Variants in CSNK2A1 observed in about 807,000 individuals in gnomAD.
CSNK2A1 encodes casein kinase II subunit alpha.
Under a neutral mutation model 62.9 loss-of-function variants are expected in CSNK2A1, and 10 were observed. The ratio of observed to expected loss-of-function variants is 0.16; its 90% CI spans 0.10 to 0.27. CSNK2A1 has a LOEUF of 0.27. Among genes scored for constraint, CSNK2A1 ranks in the 10% least tolerant of loss-of-function variants. CSNK2A1 has a pLI of 1.00. For missense variants in CSNK2A1, 160 were observed against 492.0 expected (o/e 0.33, Z 6.38); for synonymous variants, 124 against 167.8 (o/e 0.74, Z 2.02).
chr20:523,996 T>C (rs1347312047), intron 2 of CSNK2A1, among the ~76,000 whole-genome samples: 1 of 151,846 alleles, frequency 6.6e-6, no homozygotes, highest in Non-Finnish European at 1.5e-5. Context: ...CCAGTTGTGA[T>C]GGTAGTTACT....
intron 1 of CSNK2A1, among the ~76,000 whole-genome samples, chr20:541,783 C>G (rs1180653607): frequency 1.3e-5 from 2 of 152,206 alleles, no homozygotes; most frequent in Non-Finnish European, 2.9e-5. Flanking sequence ...TCACGGGGAC[C>G]TAACTGTATA....
intron 6 of CSNK2A1, chr20:498,183 C>T (rs1315707564): frequency 5.9e-6 from 1 of 170,396 alleles, no homozygotes; most frequent in South Asian, 1.5e-4. Flanking sequence ...CCCTGCAGAT[C>T]ACCAGTGGGT....
At chr20:527,070 A>T (rs924660266) in intron 2 of CSNK2A1, 2 of 150,008 alleles carry the variant, frequency 1.3e-5, no homozygotes, top group Admixed American at 1.3e-4. Flanking sequence ...AATGTCCAAT[A>T]TCAAGAATGG....
chr20:504,877 C>T (rs2018543480), intron 4 of CSNK2A1: 1 of 442,336 alleles, frequency 2.3e-6, no homozygotes, highest in Non-Finnish European at 4.0e-6. Context: ...GAGACTGTAC[C>T]TTTGCTCCCT....
rs185032703 is a variant in CSNK2A1, at chr20:488,593, A to G, written c.824+85T>C. On this transcript the variant is annotated intron_variant, in intron 11 of 13. Coordinates refer to ENST00000217244, the MANE Select transcript of CSNK2A1 (RefSeq NM_177559.3). ...CATCCTGACAGTGCTGGCAAAGAAA[A>G]CATAACTATTTTGAAGATCCTAAGT... is the stretch of plus-strand genomic sequence containing the variant. The G allele has an allele frequency of 1.5e-3, 2,041 of 1,360,418 alleles. 29 individuals are homozygous for G. In the African/African-American group the frequency reaches 0.026, roughly 18 times the overall value. 84.3% of individuals were successfully genotyped at this position (1,360,418 alleles called of 1,614,324 possible).
At chr20:535,118 G>A (rs1046217712) in intron 1 of CSNK2A1, among the ~76,000 whole-genome samples, 1 of 151,428 alleles carries the variant, frequency 6.6e-6, no homozygotes, top group Non-Finnish European at 1.5e-5. Context: ...CACTTTGGGA[G>A]GCTGAGTTAA....
At chr20:492,532 CCT>C (rs1474136973) in intron 8 of CSNK2A1, 168 bp from the exon 9 acceptor site, 176 of 632,600 alleles carry the variant, frequency 2.8e-4, no homozygotes, top group Middle Eastern at 5.1e-4. Context: ...GCTTGACAAA[CCT>C]CTTTCTCCAT....
chr20:525,657 A>G (rs2019067853), intron 2 of CSNK2A1, among the ~76,000 whole-genome samples: 1 of 147,698 alleles, frequency 6.8e-6, no homozygotes, highest in South Asian at 2.1e-4. Context: ...TCTCAAAAAA[A>G]AAAAAAAAAA....
At chr20:510,134 T>C (rs2018687060) in intron 2 of CSNK2A1, 5 of 152,154 alleles carry the variant, frequency 3.3e-5, no homozygotes, top group African/African-American at 1.2e-4. Context: ...ATTTGTGAAG[T>C]TGGTACATAA....
At chr20:508,960 G>A (rs2018661317) in intron 2 of CSNK2A1, among the ~76,000 whole-genome samples, 1 of 152,200 alleles carries the variant, frequency 6.6e-6, no homozygotes, top group South Asian at 2.1e-4. Context: ...ATTGAGGATA[G>A]ATACATCAGC....
At chr20:538,045 A>T (rs182205323) in intron 1 of CSNK2A1, among the ~76,000 whole-genome samples, 19 of 150,088 alleles carry the variant, frequency 1.3e-4, no homozygotes, top group Admixed American at 1.1e-3. Flanking sequence ...CACTGCAACC[A>T]ACCTCCGTCT....
chr20:492,439 T>C (rs2018255823), intron 8 of CSNK2A1, 75 bp from the exon 9 acceptor site: 4 of 1,417,910 alleles, frequency 2.8e-6, no homozygotes, highest in Admixed American at 1.8e-5. Flanking sequence ...ATACTCTTGA[T>C]AAAATATACC....
chr20:532,004 T>A (rs551196187), intron 1 of CSNK2A1, among the ~76,000 whole-genome samples: 1 of 152,346 alleles, frequency 6.6e-6, no homozygotes, highest in Non-Finnish European at 1.5e-5. Context: ...GAATCATGTG[T>A]CCAAAGAGAA....
At position 508,552 on chromosome 20, in the gene CSNK2A1, G is replaced by A; in HGVS notation, c.-1C>T. The A allele has an allele frequency of 1.9e-6, 3 of 1,612,076 alleles. No individual in the cohort carries two copies. Among genetic ancestry groups the A allele is most frequent in the Non-Finnish European group, 2.5e-6 (3 of 1,178,886 alleles). ...CCCTGCTTGGCACGGGTCCCGACAT[G>A]TCAGACAGGTTGGCGGACAAAGCTG... On this transcript the variant is annotated 5_prime_UTR_variant, in exon 3 of 14. Transcript: ENST00000217244.
chr20:524,771 T>C (rs907248281), intron 2 of CSNK2A1, among the ~76,000 whole-genome samples: 4 of 150,148 alleles, frequency 2.7e-5, no homozygotes, highest in Admixed American at 2.6e-4. Flanking sequence ...ATATACACGA[T>C]GTATACATGC....
At chr20:518,532 T>C (rs56154002) in intron 2 of CSNK2A1, among the ~76,000 whole-genome samples, 5,654 of 152,106 alleles carry the variant, frequency 0.037, 352 homozygotes, top group African/African-American at 0.13. Context: ...ACTACAAATA[T>C]CTATTTTTAT....
At chr20:486,242 C>G in intron 13 of CSNK2A1, 134 bp downstream of exon 13, 1 of 902,516 alleles carries the variant, frequency 1.1e-6, no homozygotes, top group African/African-American at 1.7e-5. Flanking sequence ...GTCAAGCATG[C>G]TGAAACCTGG....
chr20:525,428 G>A (rs911046561), intron 2 of CSNK2A1, among the ~76,000 whole-genome samples: 24 of 151,940 alleles, frequency 1.6e-4, no homozygotes, highest in South Asian at 8.3e-4. Context: ...TGAGGCGGGC[G>A]GATCACGAGG....
In CSNK2A1 at chr20:475,569, G is replaced by A. The variant is rs1197897549; in HGVS notation, c.*8392C>T. 6.6e-6 allele frequency: 1 copy of A among 151,900 alleles called. No homozygotes were observed. Among genetic ancestry groups the A allele is most frequent in the Non-Finnish European group, 1.5e-5 (1 of 68,022 alleles). 9.4% of individuals were successfully genotyped at this position (151,900 alleles called of 1,614,324 possible). ...TCCTACTGATATATATGAATAGTATGGCTGATTGCATTATTGGTTTGTTTC... is the reference window on the plus strand; with the variant it reads ...TCCTACTGATATATATGAATAGTATAGCTGATTGCATTATTGGTTTGTTTC... On this transcript the variant is annotated 3_prime_UTR_variant, in exon 14 of 14. Transcript: ENST00000217244.
Sources: gnomAD v4.1 joint callset for allele counts (sites outside exome capture counted in the v4.1 genomes callset) on GRCh38, gnomAD v4.1.1 for gene constraint, MANE v1.5 for transcripts, NCBI Gene and HGNC (gene_info 2026-07-23, HGNC 2026-07-21) for gene names.